The following RUNX2 variants were observed in gnomAD, a reference collection of about 807,000 sequenced individuals.
The protein encoded by RUNX2 is runt-related transcription factor 2.
Under a neutral mutation model 51.7 loss-of-function variants are expected in RUNX2, and 10 were observed. The observed-to-expected ratio is 0.19, with a 90% CI of 0.12 to 0.33. RUNX2 has a LOEUF of 0.33. RUNX2 is among the 10% of genes least tolerant of loss of function. RUNX2 has a pLI of 1.00. For synonymous variants in RUNX2, 276 were observed against 273.6 expected, an observed-to-expected ratio of 1.01 and a Z score of -0.09; for missense variants, 562 against 691.3, an observed-to-expected ratio of 0.81 and a Z score of 2.10.
intron 4 of RUNX2, among the ~76,000 whole-genome samples, chr6:45,437,366 A>T (rs1460367383): frequency 6.6e-6 from 1 of 152,194 alleles, no homozygotes; most frequent in Non-Finnish European, 1.5e-5. Flanking sequence ...TGTTCCAGTA[A>T]TGATGAAATC....
At chr6:45,384,967 T>C (rs1430239929) in intron 2 of RUNX2, among the ~76,000 whole-genome samples, 1 of 152,006 alleles carries the variant, frequency 6.6e-6, no homozygotes, top group African/African-American at 2.4e-5. Flanking sequence ...GCATCCAAAC[T>C]GCTGGGACTA....
intron 7 of RUNX2, among the ~76,000 whole-genome samples, chr6:45,541,928 G>A (rs1024070844): frequency 6.6e-6 from 1 of 152,166 alleles, no homozygotes; most frequent in African/African-American, 2.4e-5. Flanking sequence ...CCTAGTCAAT[G>A]AGAAAATGTA....
At chr6:45,405,787 CA>C (rs200283559) in intron 2 of RUNX2, among the ~76,000 whole-genome samples, 314 of 142,512 alleles carry the variant, frequency 2.2e-3, no homozygotes, top group African/African-American at 6.9e-3. Flanking sequence ...AAATCCGTCT[CA>C]AAAAAAAAAA....
intron 2 of RUNX2, among the ~76,000 whole-genome samples, chr6:45,359,180 G>A (rs1224238775): frequency 1.3e-5 from 2 of 152,190 alleles, no homozygotes; most frequent in African/African-American, 4.8e-5. Context: ...ATTATTTTAT[G>A]TAGCCACATT....
intron 7 of RUNX2, among the ~76,000 whole-genome samples, chr6:45,541,196 G>C (rs528845588): frequency 6.6e-6 from 1 of 151,546 alleles, no homozygotes; most frequent in Admixed American, 6.6e-5. Context: ...CTCTTACAAT[G>C]TACTAGGTTC....
At chr6:45,370,909 T>C (rs557956113) in intron 2 of RUNX2, among the ~76,000 whole-genome samples, 29 of 152,010 alleles carry the variant, frequency 1.9e-4, no homozygotes, top group Non-Finnish European at 3.5e-4. Context: ...CACAGAAAAA[T>C]TGAGTTTAAA....
intron 5 of RUNX2, among the ~76,000 whole-genome samples, chr6:45,473,248 C>T (rs774951355): frequency 6.6e-5 from 10 of 152,138 alleles, no homozygotes; most frequent in Non-Finnish European, 1.5e-4. Context: ...CCCACACCCC[C>T]CAGCTCCACC....
intron 7 of RUNX2, among the ~76,000 whole-genome samples, chr6:45,533,207 A>G (rs1801918501): frequency 6.6e-6 from 1 of 152,032 alleles, no homozygotes; most frequent in African/African-American, 2.4e-5. Context: ...AGGAGGTTCT[A>G]TTTTTTAAAA....
At chr6:45,523,353 C>A (rs932171517) in intron 7 of RUNX2, among the ~76,000 whole-genome samples, 4 of 151,968 alleles carry the variant, frequency 2.6e-5, no homozygotes, top group East Asian at 1.9e-4. Context: ...GCAACCTCCC[C>A]CTCCCAGGTT....
chr6:45,345,741 T>G (rs575107360), intron 2 of RUNX2, among the ~76,000 whole-genome samples: 1 of 152,216 alleles, frequency 6.6e-6, no homozygotes, highest in Non-Finnish European at 1.5e-5. Context: ...TTAATGAGTA[T>G]CAATGCACAC....
intron 5 of RUNX2, among the ~76,000 whole-genome samples, chr6:45,463,115 C>A (rs1799521194): frequency 1.3e-5 from 2 of 152,182 alleles, no homozygotes; most frequent in South Asian, 4.1e-4. Context: ...TGATCAATGA[C>A]TTTTAAAAAG....
At chr6:45,503,796 A>G (rs1800870188) in intron 6 of RUNX2, among the ~76,000 whole-genome samples, 1 of 152,228 alleles carries the variant, frequency 6.6e-6, no homozygotes, top group Non-Finnish European at 1.5e-5. Flanking sequence ...GGTGATACAT[A>G]AGAGTGCTTC....
chr6:45,336,413 T>A (rs1168899278), intron 2 of RUNX2, among the ~76,000 whole-genome samples: 2 of 151,374 alleles, frequency 1.3e-5, no homozygotes, highest in Non-Finnish European at 3.0e-5. Flanking sequence ...CACTCACAAG[T>A]ACCCAGGAAG....
At chr6:45,477,903 A>G (rs1403089013) in intron 5 of RUNX2, among the ~76,000 whole-genome samples, 2 of 152,030 alleles carry the variant, frequency 1.3e-5, no homozygotes, top group Non-Finnish European at 2.9e-5. Context: ...GCACACTGAC[A>G]AGGCCCTTCA....
intron 2 of RUNX2, among the ~76,000 whole-genome samples, chr6:45,344,737 A>G (rs1035294652): frequency 1.3e-5 from 2 of 152,162 alleles, no homozygotes; most frequent in Non-Finnish European, 2.9e-5. Flanking sequence ...AATCCTAAAT[A>G]TGAAAGGTGA....
At chr6:45,496,013 C>T (rs548555506) in intron 6 of RUNX2, among the ~76,000 whole-genome samples, 29 of 152,226 alleles carry the variant, frequency 1.9e-4, no homozygotes, top group Non-Finnish European at 3.4e-4. Flanking sequence ...CCACAGCTTC[C>T]TGGGGAAGTT....
chr6:45,519,758 C>T (rs1452370705), intron 7 of RUNX2, among the ~76,000 whole-genome samples: 3 of 147,022 alleles, frequency 2.0e-5, no homozygotes, highest in African/African-American at 7.7e-5. Context: ...AATTGCATTC[C>T]ATTGGAAGGA....
intron 6 of RUNX2, among the ~76,000 whole-genome samples, chr6:45,508,661 T>C (rs768781590): frequency 2.6e-5 from 4 of 152,216 alleles, no homozygotes; most frequent in Non-Finnish European, 4.4e-5. Flanking sequence ...TCTTCTGACT[T>C]GTTTAGGGAT....
intron 7 of RUNX2, among the ~76,000 whole-genome samples, chr6:45,537,954 AATGT>A (rs905108052): frequency 2.6e-5 from 4 of 152,196 alleles, no homozygotes; most frequent in African/African-American, 9.7e-5. Flanking sequence ...TTTATCTGAG[AATGT>A]ATGTGAATTT....
Sources: allele counts gnomAD v4.1 joint callset (sites outside exome capture counted in the v4.1 genomes callset), GRCh38; gene constraint gnomAD v4.1.1; transcripts MANE v1.5; gene names NCBI Gene and HGNC (gene_info 2026-07-23, HGNC 2026-07-21).